ATP13A5: variants seen among roughly 807,000 people sequenced by gnomAD.
ATP13A5 encodes the protein probable cation-transporting ATPase 13A5.
Under a neutral mutation model 150.2 loss-of-function variants are expected in ATP13A5, and 149 were observed. The ratio of observed to expected loss-of-function variants is 0.99; its 90% CI spans 0.87 to 1.14. ATP13A5 has a LOEUF of 1.14. ATP13A5 is among the 50% of genes most tolerant of loss of function. ATP13A5 has a pLI of 0.00. For missense variants in ATP13A5, 1,383 were observed against 1,449.3 expected, an observed-to-expected ratio of 0.95 and a Z score of 0.74; for synonymous variants, 497 against 522.2, an observed-to-expected ratio of 0.95 and a Z score of 0.66.
Position 193,275,203 on chromosome 3 carries a change from C to CT in ATP13A5, c.3495dup (p.Glu1166ArgfsTer16). Reference sequence around the variant, plus strand: ...TTTATGGGAGGCCAGGTTGAGTCTTCTGCTAGCTTCTTTTGCCAAGTCCTA... The same window carrying CT: ...TTTATGGGAGGCCAGGTTGAGTCTTCTTGCTAGCTTCTTTTGCCAAGTCCTA... On this transcript the variant is annotated frameshift_variant, in exon 30 of 30. Coordinates refer to ENST00000342358, the MANE Select transcript of ATP13A5 (RefSeq NM_198505.4). LOFTEE classifies it low-confidence loss of function (END_TRUNC). 6.2e-7 allele frequency: 1 copy of CT among 1,614,198 alleles called. No homozygotes were observed. The highest frequency in any genetic ancestry group is 2.2e-5 in the East Asian group (1 of 44,892).
intron 22 of ATP13A5, 90 bp from the exon 23 acceptor site, chr3:193,305,758 G>T (rs936899116): frequency 2.8e-6 from 3 of 1,076,000 alleles, no homozygotes; most frequent in Non-Finnish European, 4.3e-6. Context: ...ACATCATAAA[G>T]GTATAACACT....
At chr3:193,329,064 T>C (rs148896904) in intron 12 of ATP13A5, among the ~76,000 whole-genome samples, 1,717 of 151,786 alleles carry the variant, frequency 0.011, 37 homozygotes, top group African/African-American at 0.04. Flanking sequence ...GGCTAACATG[T>C]TGAAACCCCG....
At chr3:193,303,924 T>C (rs1044487713) in intron 23 of ATP13A5, among the ~76,000 whole-genome samples, 2 of 150,788 alleles carry the variant, frequency 1.3e-5, no homozygotes, top group East Asian at 1.9e-4. Context: ...CACACACACA[T>C]AATTTTTGCT....
At chr3:193,354,340 C>CTACTA in intron 5 of ATP13A5, 144 bp from the exon 6 acceptor site, 1 of 683,252 alleles carries the variant, frequency 1.5e-6, no homozygotes, top group Admixed American at 3.2e-5. Context: ...TCTTTTGAAA[C>CTACTA]GTAATTCTAA....
chr3:193,319,131 T>C, intron 16 of ATP13A5, 23 bp from the exon 17 acceptor site: 1 of 1,571,700 alleles, frequency 6.4e-7, no homozygotes, highest in East Asian at 2.2e-5. Flanking sequence ...AAGAAACAGG[T>C]AAGTGTAAGG....
intron 23 of ATP13A5, among the ~76,000 whole-genome samples, chr3:193,303,441 A>G (rs192238814): frequency 1.6e-4 from 25 of 152,170 alleles, no homozygotes; most frequent in Admixed American, 2.0e-4. Context: ...CATTGTATAT[A>G]TATAATTTTG....
intron 25 of ATP13A5, among the ~76,000 whole-genome samples, chr3:193,296,170 ATGTACCACTAGGAGGCAGC>A (rs1718162415): frequency 6.6e-6 from 1 of 152,046 alleles, no homozygotes; most frequent in Admixed American, 6.6e-5. Flanking sequence ...GCTTCATGGT[ATGTACCACTAGGAGGCAGC>A]TGCAGAAAGG....
intron 9 of ATP13A5, among the ~76,000 whole-genome samples, chr3:193,338,868 C>CT (rs1200353737): frequency 2.0e-5 from 3 of 151,986 alleles, no homozygotes; most frequent in Admixed American, 6.6e-5. Flanking sequence ...TGGTCCTGGA[C>CT]TTTTTTTGGT....
intron 27 of ATP13A5, chr3:193,281,211 G>T: frequency 2.0e-6 from 2 of 985,282 alleles, no homozygotes; most frequent in Non-Finnish European, 2.4e-6. Flanking sequence ...TCCCAGGAAC[G>T]CAGAAGCTGG....
At position 193,370,302 on chromosome 3, in the gene ATP13A5, G is replaced by C. The variant is rs997360829; in HGVS notation, c.64-6022C>G. 1.3e-5 allele frequency among the ~76,000 whole-genome samples: 2 copies of C among 152,176 alleles called. 1 individual carries two copies. The highest frequency in any genetic ancestry group is 1.3e-4 in the Admixed American group (2 of 15,262). ...AGAGCCAGGCTTCCCTTCCAGGTCT[G>C]ACACCAGAACCTCTTTTCTTTATAC... On this transcript the variant is annotated intron_variant, in intron 1 of 29. Transcript: ENST00000342358.
rs528738508 is a variant in ATP13A5 at position 193,286,568 on chromosome 3, A to T, written c.3024-1452T>A. 4.6e-5 allele frequency among the ~76,000 whole-genome samples: 7 copies of T among 152,260 alleles called. No individual in the cohort carries two copies. In the South Asian group the frequency reaches 1.4e-3, roughly 32 times the overall value. ...GCGTTTCTATCATAATTGTTTTGAG[A>T]TGCCACGAACTGTGCTTTTATAAGA... On this transcript the variant is annotated intron_variant, in intron 26 of 29. Coordinates refer to ENST00000342358, the MANE Select transcript of ATP13A5 (RefSeq NM_198505.4).
At chr3:193,306,498 AT>A (rs1718625025) in intron 22 of ATP13A5, among the ~76,000 whole-genome samples, 1 of 152,212 alleles carries the variant, frequency 6.6e-6, no homozygotes, top group South Asian at 2.1e-4. Context: ...AGCTATAAAA[AT>A]TTCTAGCTAT....
chr3:193,344,073 T>C lies in ATP13A5; in HGVS notation c.815-18A>G. On this transcript the variant is annotated intron_variant, in intron 8 of 29. Transcript: ENST00000342358. ...CTCCAAACCTACACCAAAGCAAAGT[T>C]TCCATGAATAGCTGACCTTTTCCTG... 6.2e-7 allele frequency: 1 copy of C among 1,609,276 alleles called. No individual in the cohort carries two copies. Among genetic ancestry groups the C allele is most frequent in the Admixed American group, 1.7e-5 (1 of 59,168 alleles).
chr3:193,324,990 G>A lies in ATP13A5; in HGVS notation c.1548C>T (p.Ala516=). The change falls in exon 14 of 30, where the codon GCC becomes GCT. Residue 516 remains alanine, a synonymous_variant. Transcript: ENST00000342358. ...DNCFQEAHSF[A]SGQAVPWSPL... ...GGCTCCATGGCACAGCCTGGCCTGAGGCAAAGCTGTGGGCTTCCTGGAAGC... is the reference window on the plus strand; with the variant it reads ...GGCTCCATGGCACAGCCTGGCCTGAAGCAAAGCTGTGGGCTTCCTGGAAGC... 2 of 1,612,712 alleles carry A rather than the reference G, an allele frequency of 1.2e-6. No homozygotes were observed. The highest frequency in any genetic ancestry group is 2.2e-5 in the East Asian group (1 of 44,864).
rs746025732 is a variant in ATP13A5, at chr3:193,322,472, G to A, written c.1758+19C>T. On this transcript the variant is annotated intron_variant, in intron 15 of 29. Coordinates refer to ENST00000342358, the MANE Select transcript of ATP13A5 (RefSeq NM_198505.4). ...TTTTATGGGGAAAGAGCTATGTGAT[G>A]TAAAGAAGGAAATCATACCTTACTG... The A allele has an allele frequency of 1.3e-6, 2 of 1,572,130 alleles. No homozygotes were observed. The highest frequency in any genetic ancestry group is 1.7e-6 in the Non-Finnish European group (2 of 1,142,942).
At chr3:193,325,368 G>T (rs1321440137) in intron 13 of ATP13A5, among the ~76,000 whole-genome samples, 2 of 152,162 alleles carry the variant, frequency 1.3e-5, no homozygotes, top group Non-Finnish European at 2.9e-5. Flanking sequence ...TGCCTACAGA[G>T]TTATCTTTAT....
At chr3:193,292,048 TG>T (rs1009212388) in intron 25 of ATP13A5, among the ~76,000 whole-genome samples, 2 of 152,050 alleles carry the variant, frequency 1.3e-5, no homozygotes, top group African/African-American at 4.8e-5. Context: ...CACCTGTGGC[TG>T]GTGTCTGAAG....
At chr3:193,278,571 G>C (rs148052342) in intron 28 of ATP13A5, among the ~76,000 whole-genome samples, 1 of 152,104 alleles carries the variant, frequency 6.6e-6, no homozygotes, top group Admixed American at 6.5e-5. Context: ...TCCTCTCTGC[G>C]TCTTAGGCTG....
At chr3:193,375,442 C>T (rs1341020636) in intron 1 of ATP13A5, among the ~76,000 whole-genome samples, 1 of 152,022 alleles carries the variant, frequency 6.6e-6, no homozygotes, top group Non-Finnish European at 1.5e-5. Flanking sequence ...AGCTATGGGT[C>T]CTGAGACCTC....
Sources: gnomAD v4.1 joint callset for allele counts (sites outside exome capture counted in the v4.1 genomes callset) on GRCh38, gnomAD v4.1.1 for gene constraint, MANE v1.5 for transcripts, NCBI Gene and HGNC (gene_info 2026-07-23, HGNC 2026-07-21) for gene names.